C4orf51: variants seen among roughly 807,000 people sequenced by gnomAD.
C4orf51 encodes uncharacterized protein C4orf51.
A neutral mutation model predicts 25.2 loss-of-function variants in C4orf51; 25 were observed. The ratio of observed to expected loss-of-function variants is 0.99; its 90% CI spans 0.72 to 1.39. The LOEUF (loss-of-function observed/expected upper bound fraction) is 1.39. Among genes scored for constraint, C4orf51 ranks in the 40% most tolerant of loss-of-function variants. C4orf51 has a pLI of 0.00. For missense variants in C4orf51, 252 were observed against 239.6 expected, an observed-to-expected ratio of 1.05 and a Z score of -0.34; for synonymous variants, 100 against 84.5, an observed-to-expected ratio of 1.18 and a Z score of -1.01.
intron 2 of C4orf51, among the ~76,000 whole-genome samples, chr4:145,706,626 C>T (rs1313679607): frequency 6.6e-6 from 1 of 151,984 alleles, no homozygotes; most frequent in Non-Finnish European, 1.5e-5. Context: ...CAATTGTGTC[C>T]TGTTACAAAA....
chr4:145,698,196 T>A (rs1431355956), intron 2 of C4orf51, among the ~76,000 whole-genome samples: 1 of 152,182 alleles, frequency 6.6e-6, no homozygotes, highest in African/African-American at 2.4e-5. Context: ...GTTATATGGG[T>A]TTGTACACCA....
intron 2 of C4orf51, among the ~76,000 whole-genome samples, chr4:145,707,174 C>G (rs969501596): frequency 1.2e-4 from 18 of 151,966 alleles, no homozygotes; most frequent in Non-Finnish European, 2.1e-4. Context: ...CCCCTGACCT[C>G]GTGATCCACC....
intron 1 of C4orf51, among the ~76,000 whole-genome samples, chr4:145,690,951 C>T (rs182406800): frequency 1.3e-5 from 2 of 151,278 alleles, no homozygotes; most frequent in Non-Finnish European, 2.9e-5. Context: ...TCCCACCCCC[C>T]ACAAAAAAAG....
At chr4:145,687,791 G>A (rs1729266083) in intron 1 of C4orf51, among the ~76,000 whole-genome samples, 1 of 152,198 alleles carries the variant, frequency 6.6e-6, no homozygotes, top group African/African-American at 2.4e-5. Flanking sequence ...AGGACAAATA[G>A]GGAGCACTTG....
At chr4:145,772,979 G>T (rs1228494603), downstream of C4orf51, among the ~76,000 whole-genome samples, 1 of 152,156 alleles carries the variant, frequency 6.6e-6, no homozygotes, top group East Asian at 1.9e-4. Flanking sequence ...TAGCCATATG[G>T]TTTCTATGGT....
intron 2 of C4orf51, among the ~76,000 whole-genome samples, chr4:145,717,885 C>T (rs1441553083): frequency 6.6e-6 from 1 of 152,150 alleles, no homozygotes; most frequent in Non-Finnish European, 1.5e-5. Context: ...AAAGCAATGG[C>T]TAATACAAAT....
downstream of C4orf51, chr4:145,759,311 T>C (rs368721383): frequency 7.9e-5 from 12 of 152,336 alleles, no homozygotes; most frequent in South Asian, 1.2e-3. Context: ...CACCCATTAC[T>C]TTTTAAGATT....
intron 1 of C4orf51, among the ~76,000 whole-genome samples, chr4:145,696,045 C>T (rs1000819234): frequency 2.0e-5 from 3 of 152,076 alleles, no homozygotes; most frequent in African/African-American, 7.2e-5. Flanking sequence ...GGGCAAATCA[C>T]GAGGTGAAGA....
At position 145,731,664 on chromosome 4, in the gene C4orf51, C is replaced by G. The variant is rs570564062; in HGVS notation, c.502-789C>G. Among the ~76,000 whole-genome samples the G allele has an allele frequency of 6.3e-3, 919 of 145,758 alleles. 13 individuals are homozygous for G. Among genetic ancestry groups the G allele is most frequent in the Non-Finnish European group, 4.4e-3 (299 of 67,222 alleles). On this transcript the variant is annotated intron_variant, in intron 5 of 5. Transcript: ENST00000438731. ...TGGCGTGATCTTGGCTCACTGCAAC[C>G]TCCACCTCCTGGGTTCAAGCAATTC...
At chr4:145,682,172 A>C (rs17744632) in intron 1 of C4orf51, among the ~76,000 whole-genome samples, 20,289 of 152,218 alleles carry the variant, frequency 0.13, 1,418 homozygotes, top group Admixed American at 0.2. Flanking sequence ...ATTGCAAAAC[A>C]CAAAAGAGCA....
intron 2 of C4orf51, among the ~76,000 whole-genome samples, chr4:145,714,386 A>G (rs1301355069): frequency 6.6e-6 from 1 of 152,236 alleles, no homozygotes; most frequent in Non-Finnish European, 1.5e-5. Context: ...ATTGATTAAT[A>G]GCATGAATCA....
At chr4:145,785,951 C>T in the C4orf51 span, among the ~76,000 whole-genome samples, 2 of 152,248 alleles carry the variant, frequency 1.3e-5, no homozygotes, top group African/African-American at 4.8e-5. Flanking sequence ...TTTCCAGGCA[C>T]AGAGATGTTA....
intron 2 of C4orf51, among the ~76,000 whole-genome samples, chr4:145,718,734 T>C (rs1315521310): frequency 6.6e-6 from 1 of 152,248 alleles, no homozygotes; most frequent in Non-Finnish European, 1.5e-5. Context: ...CTTTCCAGTC[T>C]CATTTCACAC....
chr4:145,680,409 C>T lies in C4orf51; in HGVS notation c.206C>T (p.Ala69Val). 6.2e-7 allele frequency: 1 copy of T among 1,613,768 alleles called. No homozygotes were observed. Among genetic ancestry groups the T allele is most frequent in the Non-Finnish European group, 8.5e-7 (1 of 1,179,742 alleles). ...KSMCSQFSFR[A>V]GQHEPECKQM... is the part of the protein sequence containing the mutation. ...ATGTGCAGCCAATTTTCTTTTAGAG[C>T]AGGACAGCATGAGCCTGAGTGTAAA... is the stretch of plus-strand genomic sequence containing the variant. Residue 69 changes from alanine to valine, a missense_variant, in exon 1 of 6, where the codon GCA (alanine) becomes GTA (valine). By Grantham distance (64) the Ala-to-Val change is moderately conservative (BLOSUM62 0). Coordinates refer to ENST00000438731, the MANE Select transcript of C4orf51 (RefSeq NM_001080531.3).
intron 3 of C4orf51, among the ~76,000 whole-genome samples, chr4:145,728,032 T>C (rs1016986533): frequency 2.6e-5 from 3 of 114,778 alleles, no homozygotes; most frequent in African/African-American, 1.1e-4. Context: ...ATATATATTA[T>C]ATATAATATA....
chr4:145,694,715 C>T (rs547614530), intron 1 of C4orf51, among the ~76,000 whole-genome samples: 1 of 150,438 alleles, frequency 6.6e-6, no homozygotes, highest in Non-Finnish European at 1.5e-5. Flanking sequence ...GCCCGGCCGC[C>T]CCTACTGGGA....
chr4:145,776,577 G>T, the C4orf51 span, among the ~76,000 whole-genome samples: 3 of 151,832 alleles, frequency 2.0e-5, no homozygotes, highest in African/African-American at 7.3e-5. Flanking sequence ...CAGGGCAAAA[G>T]AATATTCTGT....
chr4:145,715,912 C>T (rs766233848), intron 2 of C4orf51, among the ~76,000 whole-genome samples: 1 of 152,174 alleles, frequency 6.6e-6, no homozygotes, highest in Non-Finnish European at 1.5e-5. Flanking sequence ...TAACTTCCAC[C>T]AGAGCTTGGA....
At chr4:145,702,957 G>A (rs1017525737) in intron 2 of C4orf51, among the ~76,000 whole-genome samples, 18 of 151,204 alleles carry the variant, frequency 1.2e-4, no homozygotes, top group Non-Finnish European at 2.4e-4. Context: ...GAGAAACATC[G>A]CCCATTCTCT....
Sources: gnomAD v4.1 joint callset for allele counts (sites outside exome capture counted in the v4.1 genomes callset) on GRCh38, gnomAD v4.1.1 for gene constraint, MANE v1.5 for transcripts, NCBI Gene and HGNC (gene_info 2026-07-23, HGNC 2026-07-21) for gene names.